The following AP3S1 variants were observed in gnomAD, a reference collection of about 807,000 sequenced individuals.
AP3S1 encodes AP-3 complex subunit sigma-1.
AP3S1 carries 12 observed loss-of-function variants against 21.3 expected under a neutral mutation model. The ratio of observed to expected loss-of-function variants is 0.56; its 90% confidence interval spans 0.36 to 0.91. The LOEUF is 0.91. Ranked by LOEUF, AP3S1 falls within the 40% of genes least tolerant of loss-of-function variation. The pLI is 0.01. For missense variants in AP3S1, 116 were observed against 225.0 expected (o/e 0.52, Z 3.10); for synonymous variants, 48 against 78.4 (o/e 0.61, Z 2.05).
At chr5:115,880,093 T>C (rs562440821) in intron 3 of AP3S1, among the ~76,000 whole-genome samples, 2 of 151,990 alleles carry the variant, frequency 1.3e-5, no homozygotes, top group Admixed American at 1.3e-4. Context: ...TGATTACCCT[T>C]TTCTTCTTTA....
At chr5:115,907,011 T>C (rs946154605) in intron 5 of AP3S1, 116 of 1,240,876 alleles carry the variant, frequency 9.3e-5, no homozygotes, top group Non-Finnish European at 1.1e-4. Flanking sequence ...AGTTTCTCCT[T>C]GTAGTTTCTT....
intron 5 of AP3S1, among the ~76,000 whole-genome samples, chr5:115,912,392 A>G (rs968401049): frequency 6.6e-6 from 1 of 152,044 alleles, no homozygotes; most frequent in African/African-American, 2.4e-5. Flanking sequence ...TGTAATTGGT[A>G]TATAAATTAA....
chr5:115,876,919 A>T (rs1348845890), intron 3 of AP3S1, among the ~76,000 whole-genome samples: 1 of 152,188 alleles, frequency 6.6e-6, no homozygotes, highest in Non-Finnish European at 1.5e-5. Flanking sequence ...ATTTGTGATG[A>T]TCACTTGGTT....
At chr5:115,889,698 A>G (rs781047079) in intron 3 of AP3S1, among the ~76,000 whole-genome samples, 33 of 152,200 alleles carry the variant, frequency 2.2e-4, no homozygotes, top group Non-Finnish European at 4.4e-4. Flanking sequence ...CTATACATCA[A>G]TAAGAAAATA....
At chr5:115,877,965 T>C (rs1748883553) in intron 3 of AP3S1, among the ~76,000 whole-genome samples, 1 of 152,236 alleles carries the variant, frequency 6.6e-6, no homozygotes, top group South Asian at 2.1e-4. Flanking sequence ...GATGAGGTTT[T>C]CTTCATATGT....
intron 3 of AP3S1, among the ~76,000 whole-genome samples, chr5:115,893,487 C>T (rs1011390901): frequency 2.8e-4 from 42 of 152,202 alleles, no homozygotes; most frequent in African/African-American, 1.0e-3. Flanking sequence ...CGATAGTAAA[C>T]TATTAGTAGA....
chr5:115,864,492 A>G (rs1041731489), intron 1 of AP3S1, among the ~76,000 whole-genome samples: 1 of 152,222 alleles, frequency 6.6e-6, no homozygotes. Flanking sequence ...TTTCAACACT[A>G]TGCAAGAGAA....
At chr5:115,853,433 G>T (rs1361262023) in intron 1 of AP3S1, among the ~76,000 whole-genome samples, 1 of 152,010 alleles carries the variant, frequency 6.6e-6, no homozygotes, top group Non-Finnish European at 1.5e-5. Flanking sequence ...TTACTTTCTT[G>T]CTGCTATCAC....
At chr5:115,911,976 G>A (rs954880194) in intron 5 of AP3S1, 2 of 151,848 alleles carry the variant, frequency 1.3e-5, no homozygotes, top group Non-Finnish European at 2.9e-5. Context: ...TGCCTGTGTA[G>A]AATATACTTA....
At chr5:115,858,793 C>T (rs1322266479) in intron 1 of AP3S1, among the ~76,000 whole-genome samples, 3 of 150,348 alleles carry the variant, frequency 2.0e-5, no homozygotes, top group African/African-American at 7.3e-5. Flanking sequence ...TTATAATATA[C>T]TGTTATTTTA....
intron 1 of AP3S1, among the ~76,000 whole-genome samples, chr5:115,845,996 G>A (rs914676023): frequency 6.6e-6 from 1 of 151,704 alleles, no homozygotes; most frequent in Non-Finnish European, 1.5e-5. Context: ...TAGCTTCAGC[G>A]ACTTGACAAC....
rs148449307 is a variant in AP3S1, at chr5:115,875,388, C to T, written c.273+5260C>T. ...ACCGACTGAATATACAGTGGTGTGC[C>T]GATGAAGGCCCACCCAATTATGGTT... is the stretch of plus-strand genomic sequence containing the variant. On this transcript the variant is annotated intron_variant, in intron 3 of 5. Coordinates refer to ENST00000316788, the MANE Select transcript of AP3S1 (RefSeq NM_001284.4). 2.3e-3 allele frequency among the ~76,000 whole-genome samples: 345 copies of T among 152,166 alleles called. 1 individual carries two copies. The highest frequency in any genetic ancestry group is 8.1e-3 in the African/African-American group (336 of 41,502).
rs1430661079 is a variant in AP3S1 at position 115,900,072 on chromosome 5, ATAAT to A, written c.346-2809_346-2806del. On this transcript the variant is annotated intron_variant, in intron 4 of 5. Transcript: ENST00000316788. Reference sequence around the variant, plus strand: ...AAAATATTGGGAGAAAAGAGAAAGTATAATTAAAGGTAGAAATAATATTCAATAC... The same window carrying A: ...AAAATATTGGGAGAAAAGAGAAAGTATAAAGGTAGAAATAATATTCAATAC... Among the ~76,000 whole-genome samples, 4 of 152,192 alleles carry A rather than the reference ATAAT, an allele frequency of 2.6e-5. No individual in the cohort carries two copies. The East Asian group carries it at 7.7e-4, about 29-fold the overall frequency.
At chr5:115,865,486 T>C (rs1490935596) in intron 1 of AP3S1, among the ~76,000 whole-genome samples, 5 of 152,180 alleles carry the variant, frequency 3.3e-5, no homozygotes, top group African/African-American at 1.2e-4. Context: ...TCATATGGTT[T>C]AGATTAGTAT....
At chr5:115,851,846 T>C (rs755177732) in intron 1 of AP3S1, among the ~76,000 whole-genome samples, 2 of 152,178 alleles carry the variant, frequency 1.3e-5, no homozygotes, top group Non-Finnish European at 2.9e-5. Flanking sequence ...TTGTTGTTGT[T>C]GTTGTTGTTG....
rs535419593 is a variant in AP3S1, at chr5:115,869,662, A to G, written c.162-355A>G. 1.2e-4 allele frequency among the ~76,000 whole-genome samples: 18 copies of G among 152,322 alleles called. 1 individual carries two copies. Among genetic ancestry groups the G allele is most frequent in the African/African-American group, 4.1e-4 (17 of 41,574 alleles). ...CCTGAAGTAGGGAACCCATCAATAT[A>G]TCATCATTGTATTTTGATTGTCAGT... is the stretch of plus-strand genomic sequence containing the variant. On this transcript the variant is annotated intron_variant, in intron 2 of 5. Coordinates refer to ENST00000316788, the MANE Select transcript of AP3S1 (RefSeq NM_001284.4).
At chr5:115,866,299 C>T (rs999979102) in intron 1 of AP3S1, among the ~76,000 whole-genome samples, 6 of 152,194 alleles carry the variant, frequency 3.9e-5, no homozygotes, top group African/African-American at 1.4e-4. Context: ...AGATTAGCTA[C>T]ACTATTTATA....
At chr5:115,851,423 T>G (rs1366714279) in intron 1 of AP3S1, among the ~76,000 whole-genome samples, 1 of 152,206 alleles carries the variant, frequency 6.6e-6, no homozygotes, top group Non-Finnish European at 1.5e-5. Flanking sequence ...CCACAGTGGC[T>G]GTACCATTTT....
chr5:115,848,510 A>T (rs553604813), intron 1 of AP3S1, among the ~76,000 whole-genome samples: 1 of 152,366 alleles, frequency 6.6e-6, no homozygotes, highest in African/African-American at 2.4e-5. Flanking sequence ...ATGTGTATAT[A>T]TCTTTCTTTT....
Sources: allele counts gnomAD v4.1 joint callset (sites outside exome capture counted in the v4.1 genomes callset), GRCh38; gene constraint gnomAD v4.1.1; transcripts MANE v1.5; gene names NCBI Gene and HGNC (gene_info 2026-07-23, HGNC 2026-07-21).